The following FAM216A variants were observed in gnomAD, a reference collection of about 807,000 sequenced individuals.
FAM216A encodes the protein protein FAM216A.
FAM216A carries 26 observed loss-of-function variants against 37.6 expected under a neutral mutation model. That is an observed-to-expected ratio of 0.69 (90% CI 0.51 to 0.96). The LOEUF is 0.96. Ranked by LOEUF, FAM216A falls within the 40% of genes least tolerant of loss-of-function variation. The pLI, the probability that FAM216A is intolerant of heterozygous loss-of-function variation, is 0.00. For missense variants in FAM216A, 326 were observed against 339.3 expected, an observed-to-expected ratio of 0.96 and a Z score of 0.31; for synonymous variants, 110 against 121.7, an observed-to-expected ratio of 0.90 and a Z score of 0.64.
In FAM216A at chr12:110,490,005, T is replaced by A. The variant is rs2062802861; in HGVS notation, c.704-14T>A. 1 of 1,179,670 alleles carries A rather than the reference T, an allele frequency of 8.5e-7. No homozygotes were observed. Among genetic ancestry groups the A allele is most frequent in the East Asian group, 2.3e-5 (1 of 42,928 alleles). The allele number at this position is 1,179,670 out of a possible 1,614,324, so 73.1% of individuals were successfully genotyped here. A position where few individuals can be genotyped will look rare whatever the true frequency, so the allele number is the denominator to read the frequency against. ...TCCAAAACAGACAATTGTAAATTCT[T>A]ATTTTTCCTTCAGTTTCTTCAGATG... On this transcript the variant is annotated splice_polypyrimidine_tract_variant and intron_variant, in intron 6 of 6. Transcript: ENST00000377673.
intron 6 of FAM216A, among the ~76,000 whole-genome samples, chr12:110,489,620 G>A (rs909107031): frequency 6.6e-6 from 1 of 152,152 alleles, no homozygotes; most frequent in Non-Finnish European, 1.5e-5. Context: ...GAGAGAAGGG[G>A]TAAGTCAGGT....
At chr12:110,486,973 C>T (rs1471230351) in intron 5 of FAM216A, 2 of 388,852 alleles carry the variant, frequency 5.1e-6, no homozygotes, top group African/African-American at 2.1e-5. Flanking sequence ...GGCCAAGGTA[C>T]TCTCACCTCC....
chr12:110,468,495 A>G (rs1382018393), upstream of FAM216A: 1 of 1,537,228 alleles, frequency 6.5e-7, no homozygotes, highest in Non-Finnish European at 8.7e-7. Flanking sequence ...GACAACAGAT[A>G]AAGCTCCGCA....
At chr12:110,476,674 C>A (rs1379169940) in intron 2 of FAM216A, among the ~76,000 whole-genome samples, 1 of 151,948 alleles carries the variant, frequency 6.6e-6, no homozygotes, top group African/African-American at 2.4e-5. Context: ...ATTATAGGCA[C>A]ATGCCACCAT....
Position 110,468,887 on chromosome 12 carries a change from G to C in FAM216A, c.12G>C (p.Gln4His). 6.6e-7 allele frequency: 1 copy of C among 1,514,162 alleles called. No homozygotes were observed. Among genetic ancestry groups the C allele is most frequent in the Non-Finnish European group, 8.8e-7 (1 of 1,133,376 alleles). The allele number at this position is 1,514,162 out of a possible 1,614,324, so 93.8% of individuals were successfully genotyped here. A position where few individuals can be genotyped will look rare whatever the true frequency, so the allele number is the denominator to read the frequency against. Residue 4 changes from glutamine to histidine, a missense_variant, in exon 1 of 7, where the codon CAG becomes CAC. Physicochemically the swap from Gln to His is conservative, Grantham distance 24. Coordinates refer to ENST00000377673, the MANE Select transcript of FAM216A (RefSeq NM_013300.3). The stretch of plus-strand genomic sequence containing the variant: ...CTGTCGGGGGAGGGATGCTGGGACA[G>C]CTGCTCCCGCACACGGCTCGCGGTC... MLGQLLPHTARGLG... is the reference protein window; with the variant it reads MLGHLLPHTARGLG...
At chr12:110,483,149 C>T (rs891848052) in intron 2 of FAM216A, among the ~76,000 whole-genome samples, 1 of 151,720 alleles carries the variant, frequency 6.6e-6, no homozygotes, top group Non-Finnish European at 1.5e-5. Context: ...CACAGTGAAA[C>T]GCCGTCTCTA....
intron 2 of FAM216A, among the ~76,000 whole-genome samples, chr12:110,478,136 T>C (rs1022614076): frequency 2.0e-5 from 3 of 152,268 alleles, no homozygotes; most frequent in African/African-American, 7.2e-5. Context: ...TGGATTCTTA[T>C]ACCATTGAAT....
At chr12:110,482,082 T>C (rs916040101) in intron 2 of FAM216A, among the ~76,000 whole-genome samples, 2 of 105,494 alleles carry the variant, frequency 1.9e-5, no homozygotes, top group Non-Finnish European at 4.4e-5. Context: ...CAACTAACTA[T>C]ATACTTTTTT....
At chr12:110,482,862 G>T (rs143726608) in intron 2 of FAM216A, among the ~76,000 whole-genome samples, 14 of 151,760 alleles carry the variant, frequency 9.2e-5, no homozygotes, top group African/African-American at 3.1e-4. Flanking sequence ...GACATGAGTG[G>T]ATCTCAAAAT....
intron 6 of FAM216A, 26 bp downstream of exon 6, chr12:110,487,969 C>T (rs374473422): frequency 2.1e-4 from 291 of 1,367,268 alleles, no homozygotes; most frequent in Admixed American, 8.5e-4. Context: ...TAACAATATT[C>T]ATTTTTTAAG....
intron 3 of FAM216A, among the ~76,000 whole-genome samples, 159 bp downstream of exon 3, chr12:110,485,358 G>A (rs2062771891): frequency 6.6e-6 from 1 of 152,144 alleles, no homozygotes; most frequent in African/African-American, 2.4e-5. Context: ...GTAAACTCAT[G>A]AATGAATGTA....
In FAM216A at chr12:110,482,123, C is replaced by G. The variant is rs148958479; in HGVS notation, c.185-2955C>G. Among the ~76,000 whole-genome samples, 197 of 151,810 alleles carry G rather than the reference C, an allele frequency of 1.3e-3. 1 individual carries two copies. The highest frequency in any genetic ancestry group is 4.6e-3 in the African/African-American group (190 of 41,304). ...TTGAGACAGAGTCTCACTCTGTCAC[C>G]CAGGCTGGAGTGCAGTGTTGCGATC... On this transcript the variant is annotated intron_variant, in intron 2 of 6. Transcript: ENST00000377673.
chr12:110,489,994 T>G, intron 6 of FAM216A, 25 bp from the exon 7 acceptor site: 1 of 1,089,322 alleles, frequency 9.2e-7, no homozygotes, highest in Non-Finnish European at 1.4e-6. Flanking sequence ...AAACAGACAA[T>G]TGTAAATTCT....
intron 6 of FAM216A, among the ~76,000 whole-genome samples, chr12:110,489,695 T>G (rs2062800771): frequency 2.0e-5 from 3 of 152,002 alleles, no homozygotes; most frequent in Admixed American, 2.0e-4. Flanking sequence ...ATAGAAGAGA[T>G]GAGAAGGAAC....
At chr12:110,482,043 T>C (rs751214224) in intron 2 of FAM216A, among the ~76,000 whole-genome samples, 60 of 152,110 alleles carry the variant, frequency 3.9e-4, no homozygotes, top group Non-Finnish European at 4.6e-4. Context: ...TTATTAATAA[T>C]ATTGAAACAA....
At chr12:110,480,972 C>T (rs1399076429) in intron 2 of FAM216A, among the ~76,000 whole-genome samples, 2 of 152,236 alleles carry the variant, frequency 1.3e-5, no homozygotes, top group Middle Eastern at 3.4e-3. Flanking sequence ...TCTTTCACTC[C>T]GTATATATTT....
At chr12:110,471,556 T>C (rs2062687086) in intron 1 of FAM216A, among the ~76,000 whole-genome samples, 2 of 152,146 alleles carry the variant, frequency 1.3e-5, no homozygotes, top group East Asian at 1.9e-4. Context: ...CCTCATACCT[T>C]ATAAAGTCAA....
rs368560327 is a variant in FAM216A at position 110,468,915 on chromosome 12, G to C, written c.40G>C (p.Gly14Arg). 1.3e-3 allele frequency: 2,041 copies of C among 1,521,876 alleles called. 9 individuals carry two copies. Among genetic ancestry groups the C allele is most frequent in the Middle Eastern group, 7.5e-3 (38 of 5,068 alleles). 94.3% of individuals were successfully genotyped at this position (1,521,876 alleles called of 1,614,324 possible). ...GCTCCCGCACACGGCTCGCGGTCTCGGCGCCGCGGAGATGCCCGGCCAGGG... is the reference window on the plus strand; with the variant it reads ...GCTCCCGCACACGGCTCGCGGTCTCCGCGCCGCGGAGATGCCCGGCCAGGG... ...QLLPHTARGL[G>R]AAEMPGQGPG... The change falls in exon 1 of 7, where the codon GGC becomes CGC. Residue 14 changes from glycine to arginine, a missense_variant. By Grantham distance (125) the Gly-to-Arg change is moderately radical. Coordinates refer to ENST00000377673, the MANE Select transcript of FAM216A (RefSeq NM_013300.3).
rs192300634 is a variant in FAM216A at position 110,479,848 on chromosome 12, A to C, written c.185-5230A>C. On this transcript the variant is annotated intron_variant, in intron 2 of 6. Coordinates refer to ENST00000377673, the MANE Select transcript of FAM216A (RefSeq NM_013300.3). ...CAAGGCTCCATCTAAAAAAAAACCC[A>C]AAAAAAACAAAAAACAAAACAACAA... Among the ~76,000 whole-genome samples the C allele has an allele frequency of 7.9e-3, 1,185 of 150,546 alleles. 17 individuals are homozygous for C. The highest frequency in any genetic ancestry group is 0.026 in the African/African-American group (1,054 of 40,898).
Sources: allele counts gnomAD v4.1 joint callset (sites outside exome capture counted in the v4.1 genomes callset), GRCh38; gene constraint gnomAD v4.1.1; transcripts MANE v1.5; gene names NCBI Gene and HGNC (gene_info 2026-07-23, HGNC 2026-07-21).